The following GMFG variants were observed in gnomAD, a reference collection of about 807,000 sequenced individuals.
The protein encoded by GMFG is glia maturation factor gamma.
In GMFG, 21 loss-of-function variants were observed where a neutral mutation model predicts 26.1. That is an observed-to-expected ratio of 0.80 (90% confidence interval 0.57 to 1.16). The LOEUF (loss-of-function observed/expected upper bound fraction) is 1.16, where lower values mean the gene tolerates loss of function less well. GMFG is among the 50% of genes most tolerant of loss of function. The pLI, the probability that GMFG is intolerant of heterozygous loss-of-function variation, is 0.00. For missense variants in GMFG, 161 were observed against 178.3 expected (o/e 0.90, Z 0.55); for synonymous variants, 65 against 60.8 (o/e 1.07, Z -0.32).
In GMFG at chr19:39,328,364, GT is replaced by G. The variant is rs557036197; in HGVS notation, c.*112del. On this transcript the variant is annotated 3_prime_UTR_variant, in exon 7 of 7. Coordinates refer to ENST00000597595, the MANE Select transcript of GMFG (RefSeq NM_004877.4). Reference sequence around the variant, plus strand: ...CTGAGTCCAAACTGAGGATCTCCGAGTTTTTGCATTTTAAAATTTATTTAAA... The same window carrying G: ...CTGAGTCCAAACTGAGGATCTCCGAGTTTTGCATTTTAAAATTTATTTAAA... 1.1e-5 allele frequency: 8 copies of G among 744,012 alleles called. No individual in the cohort carries two copies. The East Asian group carries it at 2.1e-4, about 19-fold the overall frequency. The allele number at this position is 744,012 out of a possible 1,614,324, so 46.1% of individuals were successfully genotyped here.
rs370207146 is a variant in GMFG, at chr19:39,329,623, G to T, written c.204C>A (p.Phe68Leu). 3 of 1,598,910 alleles carry T rather than the reference G, an allele frequency of 1.9e-6. No individual in the cohort carries two copies. The highest frequency in any genetic ancestry group is 2.6e-6 in the Non-Finnish European group (3 of 1,166,330). The part of the protein sequence containing the change: ...KMELPERQPR[F>L]VVYSYKYVHD... ...GCACGTACTTGTAGCTGTAAACCAC[G>T]AACCTACCGTGAAAGGGAATTGAAA... Residue 68 changes from phenylalanine (F) to leucine (L), a missense_variant, in exon 5 of 7, where the codon TTC becomes TTA. Phe to Leu is a conservative substitution (Grantham distance 22). Transcript: ENST00000597595.
chr19:39,335,720 C>T (rs1185146164), intron 1 of GMFG, among the ~76,000 whole-genome samples, 189 bp from the exon 2 acceptor site: 3 of 152,160 alleles, frequency 2.0e-5, no homozygotes, highest in African/African-American at 7.2e-5. Flanking sequence ...GCTTGGGGGG[C>T]GGAGCAGAGG....
chr19:39,335,388 C>T (rs376154512), intron 2 of GMFG, 47 bp downstream of exon 2: 364 of 1,583,396 alleles, frequency 2.3e-4, no homozygotes, highest in Non-Finnish European at 2.9e-4. Context: ...CCCTATCTGC[C>T]CTCACCACCG....
rs371794280 is a variant in GMFG at position 39,335,511 on chromosome 19, G to A, written c.24C>T (p.Cys8=). 4.0e-5 allele frequency: 65 copies of A among 1,613,162 alleles called. No individual in the cohort carries two copies. Among genetic ancestry groups the A allele is most frequent in the African/African-American group, 1.7e-4 (13 of 74,988 alleles). MSDSLVV[C]EVDPELTEKL... ...TTTCTGTTAGCTCTGGGTCTACCTC[G>A]CACACCACCAGGGAGTCAGACTGCC... The change falls in exon 2 of 7, where the codon TGC becomes TGT. Residue 8 remains cysteine, a synonymous_variant. Transcript: ENST00000597595.
At chr19:39,332,930 A>G in intron 4 of GMFG, 147 bp downstream of exon 4, 5 of 448,304 alleles carry the variant, frequency 1.1e-5, no homozygotes, top group Non-Finnish European at 1.7e-5. Flanking sequence ...AAGTGCTGGG[A>G]TTACAGGGAT....
In GMFG at chr19:39,328,491, A is replaced by G. The variant is rs2075212336; in HGVS notation, c.415T>C (p.Ser139Pro). ...CAGCCCAGAGATCAACGAAAGAAAGACAACTTTTCTTGGAGCCAGGCCTCA... is the reference window on the plus strand; with the variant it reads ...CAGCCCAGAGATCAACGAAAGAAAGGCAACTTTTCTTGGAGCCAGGCCTCA... ...LTEAWLQEKL[S>P]FFR Residue 139 changes from serine to proline, a missense_variant, in exon 7 of 7, where the codon TCT (serine) becomes CCT (proline). Coordinates refer to ENST00000597595, the MANE Select transcript of GMFG (RefSeq NM_004877.4). The G allele has an allele frequency of 6.2e-7, 1 of 1,611,876 alleles. No homozygotes were observed. Among genetic ancestry groups the G allele is most frequent in the Non-Finnish European group, 8.5e-7 (1 of 1,177,962 alleles).
intron 3 of GMFG, among the ~76,000 whole-genome samples, chr19:39,334,443 T>C (rs1332337203): frequency 6.6e-6 from 1 of 151,860 alleles, no homozygotes; most frequent in African/African-American, 2.4e-5. Context: ...AATTTTTGTA[T>C]TTTTAGTAGA....
intron 3 of GMFG, among the ~76,000 whole-genome samples, chr19:39,334,237 C>T (rs969261979): frequency 6.6e-6 from 1 of 151,912 alleles, no homozygotes; most frequent in South Asian, 2.1e-4. Flanking sequence ...AGGATGGTCT[C>T]GATCTCCTGA....
chr19:39,328,924 T>C (rs1468925727), intron 6 of GMFG, 76 bp downstream of exon 6: 1 of 1,012,750 alleles, frequency 9.9e-7, no homozygotes, highest in African/African-American at 1.6e-5. Flanking sequence ...CAGTGAGGAC[T>C]CTAGTCCCTC....
intron 4 of GMFG, 68 bp downstream of exon 4, chr19:39,333,009 T>A: frequency 9.4e-7 from 1 of 1,065,210 alleles, no homozygotes. Context: ...CAGCAGTCCC[T>A]TAGCCTATAC....
At chr19:39,330,336 G>T (rs139664938) in intron 4 of GMFG, among the ~76,000 whole-genome samples, 2 of 152,062 alleles carry the variant, frequency 1.3e-5, no homozygotes, top group African/African-American at 4.8e-5. Context: ...ATCCAAGCCC[G>T]GTATAAAATG....
intron 4 of GMFG, among the ~76,000 whole-genome samples, chr19:39,332,718 G>A (rs2075231878): frequency 1.4e-5 from 2 of 145,486 alleles, no homozygotes; most frequent in Admixed American, 1.4e-4. Flanking sequence ...GAGTGCAGTG[G>A]TGTGATCTCA....
At chr19:39,332,158 T>A (rs984841206) in intron 4 of GMFG, among the ~76,000 whole-genome samples, 1 of 151,384 alleles carries the variant, frequency 6.6e-6, no homozygotes. Context: ...CTGGCCAACA[T>A]GTCTCTACTA....
intron 3 of GMFG, among the ~76,000 whole-genome samples, 193 bp downstream of exon 3, chr19:39,335,068 C>G (rs1172557585): frequency 6.6e-6 from 1 of 152,120 alleles, no homozygotes; most frequent in African/African-American, 2.4e-5. Context: ...CCAGGCTGGT[C>G]TTGAACTCCC....
At chr19:39,332,553 T>A (rs1330718959) in intron 4 of GMFG, among the ~76,000 whole-genome samples, 1 of 150,500 alleles carries the variant, frequency 6.6e-6, no homozygotes, top group Non-Finnish European at 1.5e-5. Flanking sequence ...AAAAGACTCT[T>A]AAACCGGTAT....
intron 1 of GMFG, 83 bp from the exon 2 acceptor site, chr19:39,335,614 T>C: frequency 3.2e-6 from 3 of 936,518 alleles, no homozygotes; most frequent in Non-Finnish European, 5.3e-6. Flanking sequence ...CATCCACTAA[T>C]GAAGAGGAGC....
At chr19:39,334,740 C>G (rs1165002046) in intron 3 of GMFG, among the ~76,000 whole-genome samples, 1 of 152,228 alleles carries the variant, frequency 6.6e-6, no homozygotes, top group Admixed American at 6.5e-5. Context: ...GAGATAAGTA[C>G]TATTCTCCCC....
intron 1 of GMFG, 64 bp from the exon 2 acceptor site, chr19:39,335,595 C>G: frequency 1.8e-6 from 2 of 1,085,852 alleles, no homozygotes; most frequent in East Asian, 4.7e-5. Flanking sequence ...TTCCCCAAAC[C>G]TGTTTCTCCA....
At chr19:39,334,631 A>T (rs978953358) in intron 3 of GMFG, among the ~76,000 whole-genome samples, 4 of 152,132 alleles carry the variant, frequency 2.6e-5, no homozygotes, top group Non-Finnish European at 5.9e-5. Context: ...TATCATCATT[A>T]TTAAGATCAT....
Sources: gnomAD v4.1 joint callset for allele counts (sites outside exome capture counted in the v4.1 genomes callset) on GRCh38, gnomAD v4.1.1 for gene constraint, MANE v1.5 for transcripts, NCBI Gene and HGNC (gene_info 2026-07-23, HGNC 2026-07-21) for gene names.